The following PABPC4 variants were observed in gnomAD, a reference collection of about 807,000 sequenced individuals.
The protein encoded by PABPC4 is poly(A) binding protein cytoplasmic 4, also known as polyadenylate-binding protein 4.
A neutral mutation model predicts 74.5 loss-of-function variants in PABPC4; 15 were observed. That is an observed-to-expected ratio of 0.20 (90% CI 0.13 to 0.31). PABPC4 has a LOEUF of 0.31. Ranked by LOEUF, PABPC4 falls within the 10% of genes least tolerant of loss-of-function variation. The pLI is 1.00. For synonymous variants in PABPC4, 345 were observed against 303.0 expected (o/e 1.14, Z -1.44); for missense variants, 610 against 853.5 (o/e 0.71, Z 3.55).
intron 10 of PABPC4, 189 bp from the exon 11 acceptor site, chr1:39,564,111 A>G: frequency 1.6e-6 from 1 of 623,726 alleles, no homozygotes; most frequent in Non-Finnish European, 2.8e-6. Flanking sequence ...CATATTCTGT[A>G]TACACTGTTT....
intron 8 of PABPC4, 35 bp downstream of exon 8, chr1:39,565,071 G>A: frequency 1.2e-6 from 2 of 1,608,104 alleles, no homozygotes; most frequent in East Asian, 2.2e-5. Context: ...CCAGCCGGCA[G>A]GTTCCCAAGA....
chr1:39,567,566 AAC>A (rs1381648375), intron 7 of PABPC4, 183 bp downstream of exon 7: 5 of 695,734 alleles, frequency 7.2e-6, no homozygotes, highest in Non-Finnish European at 1.3e-5. Context: ...GTGCTTGGGA[AAC>A]AGTGTAATGT....
At chr1:39,575,277 C>T (rs116412485) in intron 1 of PABPC4, among the ~76,000 whole-genome samples, 2 of 152,330 alleles carry the variant, frequency 1.3e-5, no homozygotes, top group Admixed American at 1.3e-4. Context: ...CCTGCCCTGA[C>T]TGATCCTTTA....
At position 39,575,878 on chromosome 1, in the gene PABPC4, G is replaced by A; in HGVS notation, c.74C>T (p.Ala25Val). The change falls in exon 1 of 16, where the codon GCC (alanine) becomes GTC (valine). Residue 25 changes from alanine to valine, a missense_variant. By Grantham distance (64) the Ala-to-Val change is moderately conservative (BLOSUM62 0). Transcript: ENST00000372858. ...GGGGCTGAACTTTTCGTACAGCATGGCCTCGGTGACGTCCGAATGCAGGTC... is the reference window on the plus strand; with the variant it reads ...GGGGCTGAACTTTTCGTACAGCATGACCTCGGTGACGTCCGAATGCAGGTC... ...VGDLHSDVTE[A>V]MLYEKFSPAG... The A allele has an allele frequency of 6.2e-7, 1 of 1,612,374 alleles. No homozygotes were observed. Among genetic ancestry groups the A allele is most frequent in the Non-Finnish European group, 8.5e-7 (1 of 1,179,526 alleles).
intron 7 of PABPC4, among the ~76,000 whole-genome samples, chr1:39,565,833 C>CAAAA (rs1570378833): frequency 1.0e-5 from 1 of 95,882 alleles, no homozygotes; most frequent in Admixed American, 9.8e-5. Context: ...ATCTCCAAAA[C>CAAAA]AAAACAAAAC....
At chr1:39,562,440 GT>G in intron 12 of PABPC4, 24 bp from the exon 13 acceptor site, 1 of 1,568,630 alleles carries the variant, frequency 6.4e-7, no homozygotes, top group Non-Finnish European at 8.8e-7. Context: ...AAGGCAGTGG[GT>G]TAGCACTGAG....
intron 1 of PABPC4, chr1:39,573,242 T>C (rs1021344923): frequency 6.6e-6 from 1 of 151,628 alleles, no homozygotes; most frequent in Non-Finnish European, 1.5e-5. Context: ...GAACAGAAAT[T>C]GACTTAAACA....
At chr1:39,575,732 G>A in intron 1 of PABPC4, 27 bp downstream of exon 1, 4 of 1,512,804 alleles carry the variant, frequency 2.6e-6, no homozygotes, top group Non-Finnish European at 3.6e-6. Flanking sequence ...GGGCTCCCAC[G>A]CACGTGTGGG....
At chr1:39,573,875 C>CA (rs1451788211) in intron 1 of PABPC4, among the ~76,000 whole-genome samples, 1 of 152,076 alleles carries the variant, frequency 6.6e-6, no homozygotes, top group Non-Finnish European at 1.5e-5. Flanking sequence ...ACCTGCCAGC[C>CA]AAAACACTTC....
intron 3 of PABPC4, chr1:39,570,391 AC>A (rs1645922324): frequency 5.5e-6 from 1 of 182,402 alleles, no homozygotes; most frequent in Admixed American, 5.9e-5. Flanking sequence ...GTGAAGGGGC[AC>A]CCTTTGCTTT....
At chr1:39,561,858 G>C (rs1645774160) in intron 14 of PABPC4, 71 bp from the exon 15 acceptor site, 2 of 1,400,076 alleles carry the variant, frequency 1.4e-6, no homozygotes, top group East Asian at 2.3e-5. Flanking sequence ...CCCAGACCTA[G>C]TGGTGGACCA....
In PABPC4 at chr1:39,576,768, G is replaced by A. The variant is rs1342721854; in HGVS notation, c.-817C>T. ...GCGAAGCCCGAAAGCGGCGGAGGCG[G>A]CAGCGACCCGGGGCGGAGAGAGGCG... is the stretch of plus-strand genomic sequence containing the variant. On this transcript the variant is annotated 5_prime_UTR_variant, in exon 1 of 16. Coordinates refer to ENST00000372858, the MANE Select transcript of PABPC4 (RefSeq NM_001135653.2). The A allele has an allele frequency of 6.7e-6, 1 of 149,978 alleles. No individual in the cohort carries two copies. The highest frequency in any genetic ancestry group is 2.4e-5 in the African/African-American group (1 of 41,170). The allele number at this position is 149,978 out of a possible 1,614,324, so 9.3% of individuals were successfully genotyped here.
At position 39,576,037 on chromosome 1, in the gene PABPC4, G is replaced by A. The variant is rs1469526104; in HGVS notation, c.-86C>T. ...GACAAAGGGGCGCCTTCGGAGCCCG[G>A]GCCCGCGCCGCGGCTCACAGGTGGC... is the stretch of plus-strand genomic sequence containing the variant. On this transcript the variant is annotated 5_prime_UTR_variant, in exon 1 of 16. Coordinates refer to ENST00000372858, the MANE Select transcript of PABPC4 (RefSeq NM_001135653.2). The A allele has an allele frequency of 2.3e-5, 20 of 856,566 alleles. No homozygotes were observed. Among genetic ancestry groups the A allele is most frequent in the Non-Finnish European group, 3.2e-5 (19 of 601,168 alleles). The allele number at this position is 856,566 out of a possible 1,614,324, so 53.1% of individuals were successfully genotyped here. A position where few individuals can be genotyped will look rare whatever the true frequency, so the allele number is the denominator to read the frequency against.
rs1645805205 is a variant in PABPC4 at position 39,564,438 on chromosome 1, T to C, written c.1438A>G (p.Thr480Ala). ...NAPASRGLPTTTQRVGSECPD... is the reference protein window; with the variant it reads ...NAPASRGLPTATQRVGSECPD... Reference sequence around the variant, plus strand: ...GTTTGCTCACCGACTCTCTGAGTGGTAGTAGGGAGGCCACGAGAGGCCGGA... The same window carrying C: ...GTTTGCTCACCGACTCTCTGAGTGGCAGTAGGGAGGCCACGAGAGGCCGGA... The change falls in exon 10 of 16, where the codon ACC (threonine) becomes GCC (alanine). Residue 480 changes from threonine to alanine, a missense_variant. Around this residue, in one of 4 missense-constraint regions of PABPC4, gnomAD observed 277 missense variants for 301.8 expected, o/e 0.92. Transcript: ENST00000372858. 6.2e-7 allele frequency: 1 copy of C among 1,613,784 alleles called. No homozygotes were observed. The highest frequency in any genetic ancestry group is 8.5e-7 in the Non-Finnish European group (1 of 1,180,018).
intron 11 of PABPC4, 45 bp from the exon 12 acceptor site, chr1:39,563,786 A>AAGACCCGT: frequency 6.2e-7 from 1 of 1,613,898 alleles, no homozygotes; most frequent in East Asian, 2.2e-5. Flanking sequence ...AGTCTGGGCA[A>AAGACCCGT]AGACCCGTCA....
chr1:39,561,433 C>CTTCT, intron 15 of PABPC4: 1 of 458,844 alleles, frequency 2.2e-6, no homozygotes. Context: ...TTTACTGTCT[C>CTTCT]TTCTTTCCCT....
intron 5 of PABPC4, chr1:39,569,376 C>G (rs1645901656): frequency 1.7e-6 from 1 of 578,762 alleles, no homozygotes; most frequent in Non-Finnish European, 3.1e-6. Context: ...ATTCTTTCAA[C>G]AACTGATAGC....
intron 1 of PABPC4, among the ~76,000 whole-genome samples, chr1:39,574,402 G>T (rs1348235777): frequency 6.6e-6 from 1 of 152,246 alleles, no homozygotes; most frequent in Non-Finnish European, 1.5e-5. Context: ...AAATCTGGCT[G>T]CACTTATTTA....
At chr1:39,570,967 AGTT>A in intron 3 of PABPC4, 4 of 1,069,028 alleles carry the variant, frequency 3.7e-6, no homozygotes, top group Non-Finnish European at 5.0e-6. Context: ...AGCCAGCCCC[AGTT>A]GTTGATGCTC....
Sources: allele counts gnomAD v4.1 joint callset (sites outside exome capture counted in the v4.1 genomes callset), GRCh38; gene constraint gnomAD v4.1.1; regional missense constraint gnomAD v4.1.1; transcripts MANE v1.5; gene names NCBI Gene and HGNC (gene_info 2026-07-23, HGNC 2026-07-21).